PTPRG: variants seen among roughly 807,000 people sequenced by gnomAD.
The protein encoded by PTPRG is receptor-type tyrosine-protein phosphatase gamma.
Under a neutral mutation model 165.3 loss-of-function variants are expected in PTPRG, and 102 were observed. That is an observed-to-expected ratio of 0.62 (90% CI 0.53 to 0.73). The LOEUF (loss-of-function observed/expected upper bound fraction) is 0.73. Ranked by LOEUF, PTPRG falls within the 30% of genes least tolerant of loss-of-function variation. The probability of loss-of-function intolerance (pLI) is 0.00; values close to 1 mark genes in which losing one functional copy is unlikely to be tolerated. For synonymous variants in PTPRG, 675 were observed against 669.5 expected (o/e 1.01, Z -0.13); for missense variants, 1,866 against 1,861.4 (o/e 1.00, Z -0.05).
At chr3:62,077,837 C>G (rs1488637098) in intron 4 of PTPRG, among the ~76,000 whole-genome samples, 1 of 151,922 alleles carries the variant, frequency 6.6e-6, no homozygotes, top group Non-Finnish European at 1.5e-5. Context: ...AAGCCCATCT[C>G]TACAAAAATA....
At chr3:62,015,538 T>TTTTTTTACAACTGG (rs1374704117) in intron 4 of PTPRG, among the ~76,000 whole-genome samples, 6 of 152,248 alleles carry the variant, frequency 3.9e-5, no homozygotes, top group Admixed American at 6.5e-5. Context: ...CCCAAGGTCT[T>TTTTTTTACAACTGG]GCTGTGTTGC....
At chr3:61,937,363 C>G (rs562619768) in intron 2 of PTPRG, among the ~76,000 whole-genome samples, 12 of 152,160 alleles carry the variant, frequency 7.9e-5, no homozygotes, top group Non-Finnish European at 1.6e-4. Flanking sequence ...CCCGTGGTAG[C>G]TTGTGCAAGG....
At chr3:61,878,028 CTGT>C (rs2037791328) in intron 2 of PTPRG, among the ~76,000 whole-genome samples, 1 of 152,168 alleles carries the variant, frequency 6.6e-6, no homozygotes, top group Non-Finnish European at 1.5e-5. Context: ...CCTGAGATCT[CTGT>C]TGTTAAATTT....
intron 28 of PTPRG, among the ~76,000 whole-genome samples, chr3:62,289,954 G>A (rs1702819849): frequency 6.6e-6 from 1 of 152,072 alleles, no homozygotes; most frequent in Non-Finnish European, 1.5e-5. Flanking sequence ...ATTATTGGCA[G>A]ATAAAGATGT....
At chr3:62,185,872 G>C (rs73098555) in intron 8 of PTPRG, among the ~76,000 whole-genome samples, 15,606 of 152,258 alleles carry the variant, frequency 0.1, 1,006 homozygotes, top group East Asian at 0.35. Context: ...CCATTTTACA[G>C]ATGCGGACAC....
Position 62,262,019 on chromosome 3 carries a change from TAGTC to T in PTPRG, c.2560-776_2560-773del, listed in dbSNP as rs1355559020. ...GTGTACTGCTAATGACTTCCCTTAT[TAGTC>T]AGCTCCAGTACTTTCTTGGGTTTGA... On this transcript the variant is annotated intron_variant, in intron 16 of 29. Coordinates refer to ENST00000474889, the MANE Select transcript of PTPRG (RefSeq NM_002841.4). 3.3e-5 allele frequency: 5 copies of T among 152,336 alleles called. No individual in the cohort carries two copies. In the East Asian group the frequency reaches 7.7e-4, roughly 23 times the overall value. The allele number at this position is 152,336 out of a possible 1,614,324, so 9.4% of individuals were successfully genotyped here. A position where few individuals can be genotyped will look rare whatever the true frequency, so the allele number is the denominator to read the frequency against.
Position 62,217,696 on chromosome 3 carries a change from T to G in PTPRG, c.2156-1155T>G, listed in dbSNP as rs1353617476. ...CCTTTGCTTTTTCACTGCTTGCCTC[T>G]GTGCACCTGTGCTCTTCCCAGCCCC... On this transcript the variant is annotated intron_variant, in intron 12 of 29. Coordinates refer to ENST00000474889, the MANE Select transcript of PTPRG (RefSeq NM_002841.4). This position sits in a 1 kb window ranked among gnomAD's most constrained non-coding sequence, Gnocchi z 4.3. The G allele has an allele frequency of 6.6e-6, 1 of 152,382 alleles. No individual in the cohort carries two copies. Among genetic ancestry groups the G allele is most frequent in the African/African-American group, 2.4e-5 (1 of 41,454 alleles). 9.4% of individuals were successfully genotyped at this position (152,382 alleles called of 1,614,324 possible). A position where few individuals can be genotyped will look rare whatever the true frequency, so the allele number is the denominator to read the frequency against.
At chr3:61,991,187 C>A (rs2040879488) in intron 3 of PTPRG, among the ~76,000 whole-genome samples, 1 of 152,080 alleles carries the variant, frequency 6.6e-6, no homozygotes, top group Non-Finnish European at 1.5e-5. Flanking sequence ...AACTGGTGAT[C>A]CAATAATGTT....
chr3:61,904,152 G>T (rs963387454), intron 2 of PTPRG, among the ~76,000 whole-genome samples: 1 of 152,096 alleles, frequency 6.6e-6, no homozygotes, highest in Non-Finnish European at 1.5e-5. Flanking sequence ...ACCTCATCCT[G>T]TCCTTCCTCA....
At chr3:62,115,984 T>C (rs1702851936) in intron 5 of PTPRG, among the ~76,000 whole-genome samples, 1 of 152,186 alleles carries the variant, frequency 6.6e-6, no homozygotes, top group Admixed American at 6.5e-5. Flanking sequence ...TATTTTGGGG[T>C]GTTTATTCGA....
At chr3:61,957,197 A>T (rs552706040) in intron 2 of PTPRG, among the ~76,000 whole-genome samples, 1 of 152,358 alleles carries the variant, frequency 6.6e-6, no homozygotes, top group African/African-American at 2.4e-5. Context: ...AGGCATACAC[A>T]CACACAGTCT....
intron 14 of PTPRG, among the ~76,000 whole-genome samples, chr3:62,238,989 C>G (rs942145168): frequency 6.6e-6 from 1 of 152,150 alleles, no homozygotes; most frequent in Non-Finnish European, 1.5e-5. Flanking sequence ...AGGGCACAGA[C>G]AGCACCCAGG....
At chr3:61,784,081 C>G (rs971227771) in intron 2 of PTPRG, among the ~76,000 whole-genome samples, 1 of 152,210 alleles carries the variant, frequency 6.6e-6, no homozygotes, top group African/African-American at 2.4e-5. Context: ...CCAAGAGGAA[C>G]CTGCATAGAG....
At chr3:61,701,513 A>G (rs1309075464) in intron 1 of PTPRG, among the ~76,000 whole-genome samples, 1 of 152,230 alleles carries the variant, frequency 6.6e-6, no homozygotes, top group Non-Finnish European at 1.5e-5. Context: ...GAAAAAACCC[A>G]TATTTAGTGA....
intron 1 of PTPRG, among the ~76,000 whole-genome samples, chr3:61,696,268 G>A (rs1365093767): frequency 6.6e-6 from 1 of 152,200 alleles, no homozygotes; most frequent in African/African-American, 2.4e-5. Flanking sequence ...GTGAGTGGCT[G>A]AGGTGCGTGG....
chr3:61,568,721 A>G (rs916540415), intron 1 of PTPRG, among the ~76,000 whole-genome samples: 20 of 152,036 alleles, frequency 1.3e-4, no homozygotes, highest in African/African-American at 4.3e-4. Flanking sequence ...CATCCTGGCC[A>G]ATATAGTGAA....
chr3:62,191,763 ACT>A (rs1389601719), intron 9 of PTPRG, 110 bp downstream of exon 9: 5 of 1,131,038 alleles, frequency 4.4e-6, no homozygotes, highest in Admixed American at 4.7e-5. Context: ...CTGTCCTCAC[ACT>A]GTCTGGTGAA....
At chr3:61,761,514 G>C (rs1198903885) in intron 2 of PTPRG, among the ~76,000 whole-genome samples, 1 of 152,186 alleles carries the variant, frequency 6.6e-6, no homozygotes, top group Non-Finnish European at 1.5e-5. Context: ...GGAGGTGGAG[G>C]TTGCAGTGAG....
intron 2 of PTPRG, among the ~76,000 whole-genome samples, chr3:61,798,409 G>A (rs1204414683): frequency 6.6e-6 from 1 of 152,150 alleles, no homozygotes; most frequent in Non-Finnish European, 1.5e-5. Flanking sequence ...AGGGCTTTTA[G>A]GGTATGGACA....
Sources: allele counts gnomAD v4.1 joint callset (sites outside exome capture counted in the v4.1 genomes callset), GRCh38; gene constraint gnomAD v4.1.1; non-coding constraint Gnocchi (gnomAD v3.1); transcripts MANE v1.5; gene names NCBI Gene and HGNC (gene_info 2026-07-23, HGNC 2026-07-21).